ARHGAP12: variants seen among roughly 807,000 people sequenced by gnomAD.
The protein encoded by ARHGAP12 is rho GTPase-activating protein 12.
In ARHGAP12, 64 loss-of-function variants were observed where a neutral mutation model predicts 108.6. The observed-to-expected ratio is 0.59, with a 90% CI of 0.48 to 0.73. ARHGAP12 has a LOEUF of 0.73. Ranked by LOEUF, ARHGAP12 falls within the 30% of genes least tolerant of loss-of-function variation. The pLI is 0.00. For missense variants in ARHGAP12, 940 were observed against 1,005.9 expected, an observed-to-expected ratio of 0.93 and a Z score of 0.89; for synonymous variants, 312 against 337.2, an observed-to-expected ratio of 0.93 and a Z score of 0.82.
At chr10:31,835,540 G>A (rs553544510) in intron 9 of ARHGAP12, among the ~76,000 whole-genome samples, 170 of 152,284 alleles carry the variant, frequency 1.1e-3, no homozygotes, top group African/African-American at 3.8e-3. Flanking sequence ...GTAATCTGGG[G>A]AAAATTTCAC....
At chr10:31,915,442 TA>T (rs1839515717) in intron 1 of ARHGAP12, among the ~76,000 whole-genome samples, 1 of 149,848 alleles carries the variant, frequency 6.7e-6, no homozygotes, top group Non-Finnish European at 1.5e-5. Context: ...GCTAAGGGCC[TA>T]GGGGAGAAAT....
At chr10:31,906,995 T>A (rs765217838) in intron 3 of ARHGAP12, among the ~76,000 whole-genome samples, 25 of 152,160 alleles carry the variant, frequency 1.6e-4, no homozygotes, top group Non-Finnish European at 2.9e-4. Context: ...GTACTTCACA[T>A]AGCTTCCTTG....
At chr10:31,862,131 T>A (rs1837139179) in intron 3 of ARHGAP12, among the ~76,000 whole-genome samples, 1 of 152,190 alleles carries the variant, frequency 6.6e-6, no homozygotes, top group Admixed American at 6.5e-5. Flanking sequence ...TTATGAAAAT[T>A]ATCAAAAGAA....
intron 3 of ARHGAP12, among the ~76,000 whole-genome samples, chr10:31,885,380 G>A (rs1198553064): frequency 6.6e-6 from 1 of 152,156 alleles, no homozygotes; most frequent in African/African-American, 2.4e-5. Context: ...TTGACACACT[G>A]AAGATATCCT....
intron 7 of ARHGAP12, among the ~76,000 whole-genome samples, chr10:31,840,749 C>T (rs796602191): frequency 4.9e-4 from 74 of 152,156 alleles, no homozygotes; most frequent in African/African-American, 1.5e-3. Context: ...AAAATGTCTT[C>T]GGGTTTATAT....
intron 3 of ARHGAP12, among the ~76,000 whole-genome samples, chr10:31,889,778 T>C (rs1223996922): frequency 6.6e-6 from 1 of 151,554 alleles, no homozygotes. Flanking sequence ...AGGCATGCCC[T>C]TCACCACACT....
chr10:31,928,796 T>G lies in ARHGAP12; in HGVS notation c.-224A>C, dbSNP rs1466403618. On this transcript the variant is annotated 5_prime_UTR_variant, in exon 1 of 20. Coordinates refer to ENST00000344936, the MANE Select transcript of ARHGAP12 (RefSeq NM_018287.7). ...CACGGCTACGGCCGCGGCCGGCCCG[T>G]CCCCGCAGGCTGGCCTCTGAGGGAG... 6.6e-6 allele frequency: 1 copy of G among 151,294 alleles called. No homozygotes were observed. The highest frequency in any genetic ancestry group is 1.5e-5 in the Non-Finnish European group (1 of 67,826). The allele number at this position is 151,294 out of a possible 1,614,324, so 9.4% of individuals were successfully genotyped here.
At chr10:31,828,160 C>T (rs1409405456) in intron 10 of ARHGAP12, among the ~76,000 whole-genome samples, 1 of 151,096 alleles carries the variant, frequency 6.6e-6, no homozygotes, top group Non-Finnish European at 1.5e-5. Context: ...CTAGGATGAA[C>T]TTTGCTACTG....
intron 10 of ARHGAP12, chr10:31,826,688 C>CA (rs2132186604): frequency 4.0e-6 from 1 of 250,662 alleles, no homozygotes; most frequent in East Asian, 7.5e-5. Flanking sequence ...TGATCAAAGA[C>CA]ACTAATTTAT....
chr10:31,814,218 CA>C, intron 14 of ARHGAP12, 40 bp downstream of exon 14: 1 of 1,500,480 alleles, frequency 6.7e-7, no homozygotes, highest in East Asian at 2.3e-5. Context: ...GCTAAGAGAA[CA>C]AGCACAAATC....
In ARHGAP12 at chr10:31,884,177, G is replaced by A. The variant is rs988996665; in HGVS notation, c.685-22519C>T. ...CCAAACTGACATAAATTTTCACAAA[G>A]AATTCATCTGTGTGAGTTCATATCT... On this transcript the variant is annotated intron_variant, in intron 3 of 19. Transcript: ENST00000344936. 9.6e-5 allele frequency among the ~76,000 whole-genome samples: 14 copies of A among 146,122 alleles called. No individual in the cohort carries two copies. The South Asian group carries it at 3.0e-3, about 32-fold the overall frequency.
chr10:31,928,267 T>G (rs982220850), intron 1 of ARHGAP12, among the ~76,000 whole-genome samples: 1 of 150,892 alleles, frequency 6.6e-6, no homozygotes, highest in South Asian at 2.1e-4. Flanking sequence ...CACACCCGCC[T>G]TGTGCACACA....
intron 9 of ARHGAP12, among the ~76,000 whole-genome samples, chr10:31,835,183 G>A (rs1379244461): frequency 6.7e-6 from 1 of 148,888 alleles, no homozygotes; most frequent in East Asian, 1.9e-4. Flanking sequence ...GGGCGACAGA[G>A]CGAGACTCCG....
intron 3 of ARHGAP12, among the ~76,000 whole-genome samples, chr10:31,896,145 G>A (rs1227310246): frequency 1.3e-5 from 2 of 151,904 alleles, no homozygotes; most frequent in African/African-American, 2.4e-5. Context: ...CGTAAATGAC[G>A]AGTTAATGGG....
At chr10:31,878,003 G>A in intron 3 of ARHGAP12, among the ~76,000 whole-genome samples, 1 of 152,140 alleles carries the variant, frequency 6.6e-6, no homozygotes, top group East Asian at 1.9e-4. Flanking sequence ...CAGATCACCT[G>A]AGCCTGGGAA....
At chr10:31,864,846 G>GT (rs150827350) in intron 3 of ARHGAP12, among the ~76,000 whole-genome samples, 3,283 of 152,206 alleles carry the variant, frequency 0.022, 131 homozygotes, top group African/African-American at 0.075. Flanking sequence ...CCAGAACCTC[G>GT]TAACATGGTA....
chr10:31,857,578 G>C (rs747069524), intron 4 of ARHGAP12, among the ~76,000 whole-genome samples: 1 of 151,982 alleles, frequency 6.6e-6, no homozygotes, highest in Non-Finnish European at 1.5e-5. Context: ...CCTCAAATTC[G>C]GAAATCTCAA....
In ARHGAP12 at chr10:31,886,346, A is replaced by G. The variant is rs1453741806; in HGVS notation, c.684+21826T>C. ...TTTCCACAGCTACTCTCCTACAATT[A>G]TACTACAATTATCTATGTGTTTGTG... On this transcript the variant is annotated intron_variant, in intron 3 of 19. Transcript: ENST00000344936. Among the ~76,000 whole-genome samples, 6 of 152,312 alleles carry G rather than the reference A, an allele frequency of 3.9e-5. No homozygotes were observed. The East Asian group carries it at 7.7e-4, about 20-fold the overall frequency.
chr10:31,894,118 A>G (rs1440006745), intron 3 of ARHGAP12, among the ~76,000 whole-genome samples: 1 of 152,258 alleles, frequency 6.6e-6, no homozygotes, highest in African/African-American at 2.4e-5. Context: ...AGAGCTATCT[A>G]TGACAAACCC....
Sources: gnomAD v4.1 joint callset for allele counts (sites outside exome capture counted in the v4.1 genomes callset) on GRCh38, gnomAD v4.1.1 for gene constraint, MANE v1.5 for transcripts, NCBI Gene and HGNC (gene_info 2026-07-23, HGNC 2026-07-21) for gene names.